The following C10orf90 variants were observed in gnomAD, a reference collection of about 807,000 sequenced individuals.
The protein encoded by C10orf90 is (E2-independent) E3 ubiquitin-conjugating enzyme FATS.
A neutral mutation model predicts 62.5 loss-of-function variants in C10orf90; 56 were observed. The observed-to-expected ratio is 0.90, with a 90% confidence interval of 0.72 to 1.12. The LOEUF (loss-of-function observed/expected upper bound fraction) is 1.12, where lower values mean the gene tolerates loss of function less well. Among genes scored for constraint, C10orf90 ranks in the 50% most tolerant of loss-of-function variants. The pLI, the probability that C10orf90 is intolerant of heterozygous loss-of-function variation, is 0.00. For missense variants in C10orf90, 970 were observed against 880.4 expected, an observed-to-expected ratio of 1.10 and a Z score of -1.29; for synonymous variants, 386 against 340.4, an observed-to-expected ratio of 1.13 and a Z score of -1.47.
rs561875374 is a variant in C10orf90, at chr10:126,471,468, G to T, written c.1535-6482C>A. ...AAATCAGACTGACTTGTAAACTGTG[G>T]TAGTGATATGTGAGAAAAGCCTTCC... On this transcript the variant is annotated intron_variant, in intron 4 of 9. Coordinates refer to ENST00000488181, the MANE Select transcript of C10orf90 (RefSeq NM_001350921.2). Among the ~76,000 whole-genome samples, 16 of 152,324 alleles carry T rather than the reference G, an allele frequency of 1.1e-4. No individual in the cohort carries two copies. In the South Asian group the frequency reaches 2.1e-3, roughly 20 times the overall value.
intron 4 of C10orf90, among the ~76,000 whole-genome samples, chr10:126,467,668 C>T (rs531067266): frequency 1.3e-5 from 2 of 152,252 alleles, no homozygotes; most frequent in African/African-American, 4.8e-5. Context: ...AAACATTCCC[C>T]ATATCCCCTT....
intron 7 of C10orf90, among the ~76,000 whole-genome samples, chr10:126,451,994 G>A (rs187627231): frequency 2.0e-3 from 312 of 152,230 alleles, no homozygotes; most frequent in African/African-American, 7.3e-3. Context: ...GTAAATTCTG[G>A]ATACCTACTG....
In C10orf90 at chr10:126,508,177, G is replaced by GAGAGAA. The variant is rs1294116122; in HGVS notation, c.406-3093_406-3092insTTCTCT. On this transcript the variant is annotated intron_variant, in intron 3 of 9. Transcript: ENST00000488181. ...AGTGAGTGAGAGAGAGAGAGAGAGA[G>GAGAGAA]AGAGAGAGAGAGAGTGTGTGTGTGT... is the stretch of plus-strand genomic sequence containing the variant. Among the ~76,000 whole-genome samples the GAGAGAA allele has an allele frequency of 2.0e-5, 3 of 151,802 alleles. No individual in the cohort carries two copies. The East Asian group carries it at 5.8e-4, about 29-fold the overall frequency.
intron 2 of C10orf90, among the ~76,000 whole-genome samples, chr10:126,570,723 G>C (rs1844488763): frequency 6.6e-6 from 1 of 152,122 alleles, no homozygotes. Flanking sequence ...ACTTCTACGA[G>C]AAGCAAATCC....
At chr10:126,437,175 A>G (rs1233077551) in intron 7 of C10orf90, among the ~76,000 whole-genome samples, 2 of 152,212 alleles carry the variant, frequency 1.3e-5, no homozygotes, top group African/African-American at 4.8e-5. Flanking sequence ...AAGTAAGTAG[A>G]CAAGAGACCT....
intron 2 of C10orf90, among the ~76,000 whole-genome samples, chr10:126,539,578 A>G (rs1864327444): frequency 6.6e-6 from 1 of 152,228 alleles, no homozygotes; most frequent in South Asian, 2.1e-4. Context: ...AATTCGTTCC[A>G]TAAATATAAT....
chr10:126,444,603 A>G (rs558671073), intron 7 of C10orf90, among the ~76,000 whole-genome samples: 3 of 152,192 alleles, frequency 2.0e-5, no homozygotes, highest in Non-Finnish European at 2.9e-5. Flanking sequence ...TGCCAAAAGC[A>G]ATCTACAAAT....
chr10:126,510,201 TCAA>T (rs1863018204), intron 3 of C10orf90, among the ~76,000 whole-genome samples: 3 of 152,260 alleles, frequency 2.0e-5, no homozygotes, highest in South Asian at 4.1e-4. Flanking sequence ...GGATAGGACT[TCAA>T]CATATAAATT....
chr10:126,570,323 CCTAA>C (rs2134002891), intron 2 of C10orf90, among the ~76,000 whole-genome samples: 1 of 152,336 alleles, frequency 6.6e-6, no homozygotes, highest in Admixed American at 6.5e-5. Context: ...TTACGCACTG[CCTAA>C]CTTTCTTCCT....
chr10:126,433,779 C>G (rs891197180), intron 7 of C10orf90, among the ~76,000 whole-genome samples: 2 of 152,172 alleles, frequency 1.3e-5, no homozygotes, highest in African/African-American at 4.8e-5. Context: ...TAAAATTACT[C>G]TTAATGGAAA....
chr10:126,615,660 G>A (rs867716587), intron 2 of C10orf90, among the ~76,000 whole-genome samples: 4 of 151,648 alleles, frequency 2.6e-5, no homozygotes, highest in African/African-American at 4.8e-5. Flanking sequence ...CAGTAGTTAC[G>A]ACGTGTAAGG....
At chr10:126,544,998 C>T (rs897542171) in intron 2 of C10orf90, among the ~76,000 whole-genome samples, 10 of 152,162 alleles carry the variant, frequency 6.6e-5, no homozygotes, top group Non-Finnish European at 1.5e-5. Flanking sequence ...CTCTTGTTTT[C>T]AGAAGAGATA....
chr10:126,471,206 A>C (rs1409397892), intron 4 of C10orf90, among the ~76,000 whole-genome samples: 1 of 150,330 alleles, frequency 6.7e-6, no homozygotes, highest in African/African-American at 2.4e-5. Flanking sequence ...AAGGAGAGAG[A>C]AGGAATGGGA....
At chr10:126,635,981 G>A (rs1414962721) in intron 2 of C10orf90, among the ~76,000 whole-genome samples, 5 of 152,266 alleles carry the variant, frequency 3.3e-5, no homozygotes, top group Middle Eastern at 3.4e-3. Flanking sequence ...GAGGTCAAGC[G>A]GTGGCATTGT....
intron 2 of C10orf90, among the ~76,000 whole-genome samples, chr10:126,579,620 A>C (rs1431500869): frequency 6.6e-6 from 1 of 152,228 alleles, no homozygotes; most frequent in Non-Finnish European, 1.5e-5. Context: ...ACTTGTAAAA[A>C]GTTTAGCATG....
At chr10:126,601,346 C>T (rs1053731558) in intron 2 of C10orf90, among the ~76,000 whole-genome samples, 17 of 152,116 alleles carry the variant, frequency 1.1e-4, no homozygotes, top group Admixed American at 6.5e-5. Flanking sequence ...ACTGCTCTTG[C>T]CCCCAAAAAG....
At chr10:126,468,485 T>C (rs1298692803) in intron 4 of C10orf90, among the ~76,000 whole-genome samples, 2 of 152,150 alleles carry the variant, frequency 1.3e-5, no homozygotes, top group Non-Finnish European at 2.9e-5. Context: ...GACCTGATTC[T>C]GGGGAAGAAA....
In C10orf90 at chr10:126,453,386, T is replaced by G. The variant is rs4962558; in HGVS notation, c.2188+5654A>C. Among the ~76,000 whole-genome samples the G allele has an allele frequency of 1.3e-5, 2 of 151,900 alleles. No individual in the cohort carries two copies. Among genetic ancestry groups the G allele is most frequent in the Non-Finnish European group, 2.9e-5 (2 of 68,000 alleles). On this transcript the variant is annotated intron_variant, in intron 7 of 9. Coordinates refer to ENST00000488181, the MANE Select transcript of C10orf90 (RefSeq NM_001350921.2). The surrounding 1 kb of genome is among the most constrained non-coding windows in gnomAD (Gnocchi z 4.9). ...GAAGAAGGCAGGTGATCTGGAGGGA[T>G]GCAAGAATACCAAGATGCAAAGAGT...
intron 1 of C10orf90, among the ~76,000 whole-genome samples, chr10:126,647,662 A>C (rs774923892): frequency 6.6e-6 from 1 of 152,226 alleles, no homozygotes; most frequent in Non-Finnish European, 1.5e-5. Flanking sequence ...CCCATGGCTC[A>C]ACTCAGCCAC....
Sources: gnomAD v4.1 joint callset for allele counts (sites outside exome capture counted in the v4.1 genomes callset) on GRCh38, gnomAD v4.1.1 for gene constraint, Gnocchi (gnomAD v3.1) non-coding constraint, MANE v1.5 for transcripts, NCBI Gene and HGNC (gene_info 2026-07-23, HGNC 2026-07-21) for gene names.